The following MSH3 variants were observed in gnomAD, a reference collection of about 807,000 sequenced individuals.
MSH3 encodes the protein mutS homolog 3, also known as DNA mismatch repair protein Msh3.
In MSH3, 106 loss-of-function variants were observed where a neutral mutation model predicts 123.3. The ratio of observed to expected loss-of-function variants is 0.86; its 90% CI spans 0.73 to 1.01. The LOEUF (loss-of-function observed/expected upper bound fraction) is 1.01. Among genes scored for constraint, MSH3 ranks in the 50% least tolerant of loss-of-function variants. The pLI, the probability that MSH3 is intolerant of heterozygous loss-of-function variation, is 0.00. For missense variants in MSH3, 1,459 were observed against 1,347.6 expected (o/e 1.08, Z -1.29); for synonymous variants, 515 against 481.4 (o/e 1.07, Z -0.91).
chr5:80,707,643 G>C (rs890819379), intron 8 of MSH3, among the ~76,000 whole-genome samples: 6 of 152,178 alleles, frequency 3.9e-5, no homozygotes, highest in Non-Finnish European at 8.8e-5. Context: ...GAGGTGAAAG[G>C]ATGGCTTGAG....
At chr5:80,800,186 C>T (rs559058929) in intron 19 of MSH3, among the ~76,000 whole-genome samples, 3 of 152,248 alleles carry the variant, frequency 2.0e-5, no homozygotes, top group African/African-American at 7.2e-5. Flanking sequence ...GCAGTCCTCT[C>T]TAGTTGTTAT....
intron 19 of MSH3, among the ~76,000 whole-genome samples, chr5:80,808,483 C>T (rs1744937417): frequency 6.6e-6 from 1 of 152,104 alleles, no homozygotes; most frequent in East Asian, 1.9e-4. Flanking sequence ...GTCTAAGGGT[C>T]ATTTTGTTCT....
At chr5:80,712,286 A>G (rs1212376353) in intron 8 of MSH3, among the ~76,000 whole-genome samples, 1 of 152,078 alleles carries the variant, frequency 6.6e-6, no homozygotes, top group African/African-American at 2.4e-5. Flanking sequence ...ATGCCATTTT[A>G]TTTTTTAATA....
chr5:80,680,991 G>A (rs974688612), intron 8 of MSH3, among the ~76,000 whole-genome samples: 7 of 152,040 alleles, frequency 4.6e-5, no homozygotes, highest in African/African-American at 1.4e-4. Context: ...TCCTGAAAAT[G>A]GAATTAACTG....
intron 20 of MSH3, among the ~76,000 whole-genome samples, chr5:80,814,831 A>G (rs1745073968): frequency 6.6e-6 from 1 of 152,254 alleles, no homozygotes. Flanking sequence ...CTTACCCTCA[A>G]TGTGTAAACC....
At position 80,654,720 on chromosome 5, in the gene MSH3, G is replaced by T. The variant is rs746491510; in HGVS notation, c.-8G>T. The T allele has an allele frequency of 4.7e-5, 75 of 1,593,122 alleles. 1 individual carries two copies. The highest frequency in any genetic ancestry group is 3.3e-4 in the Middle Eastern group (2 of 5,998). ...GCCCTGCCGCCGGGCTGCCATCCTT[G>T]CCCTGCCATGTCTCGCCGGAAGCCT... On this transcript the variant is annotated 5_prime_UTR_variant, in exon 1 of 24. Coordinates refer to ENST00000265081, the MANE Select transcript of MSH3 (RefSeq NM_002439.5).
At chr5:80,823,496 C>A (rs1325784983) in intron 20 of MSH3, among the ~76,000 whole-genome samples, 1 of 152,140 alleles carries the variant, frequency 6.6e-6, no homozygotes, top group African/African-American at 2.4e-5. Flanking sequence ...CTATAAGTAA[C>A]CCTAGTTCTT....
chr5:80,748,090 A>G (rs1199339704), intron 12 of MSH3, among the ~76,000 whole-genome samples: 1 of 152,178 alleles, frequency 6.6e-6, no homozygotes, highest in Non-Finnish European at 1.5e-5. Context: ...CTACAGTGAG[A>G]TCGTAGAACA....
At position 80,665,268 on chromosome 5, in the gene MSH3, G is replaced by A. The variant is rs765418313; in HGVS notation, c.484G>A (p.Val162Ile). ...AGAATCTCTGCAGGAGAGATTTGCA[G>A]TTCTGCCAAAATGTACTGATTTTGA... ...QTESLQERFA[V>I]LPKCTDFDDI... The change falls in exon 3 of 24, where the codon GTT becomes ATT. Residue 162 changes from valine (V) to isoleucine (I), a missense_variant. Coordinates refer to ENST00000265081, the MANE Select transcript of MSH3 (RefSeq NM_002439.5). 6.2e-7 allele frequency: 1 copy of A among 1,613,958 alleles called. No homozygotes were observed. Among genetic ancestry groups the A allele is most frequent in the Non-Finnish European group, 8.5e-7 (1 of 1,179,946 alleles).
chr5:80,831,977 CG>C (rs34921686), intron 20 of MSH3, among the ~76,000 whole-genome samples: 21,490 of 151,792 alleles, frequency 0.14, 1,563 homozygotes, highest in East Asian at 0.24. Flanking sequence ...GGTGTGGTGG[CG>C]GGGCGCCTAT....
chr5:80,812,717 A>G lies in MSH3; in HGVS notation c.2656-867A>G, dbSNP rs1745030375. Among the ~76,000 whole-genome samples, 3 of 151,570 alleles carry G rather than the reference A, an allele frequency of 2.0e-5. No homozygotes were observed. In the South Asian group the frequency reaches 6.3e-4, roughly 32 times the overall value. On this transcript the variant is annotated intron_variant, in intron 19 of 23. Coordinates refer to ENST00000265081, the MANE Select transcript of MSH3 (RefSeq NM_002439.5). ...ATGTCTCAGCCTCCCGAGAACTGGC[A>G]TCATCACACCCAGCTAATTTTTGTA...
intron 17 of MSH3, among the ~76,000 whole-genome samples, chr5:80,781,281 A>G (rs1350896747): frequency 6.6e-6 from 1 of 152,106 alleles, no homozygotes; most frequent in Non-Finnish European, 1.5e-5. Context: ...TCAAGGACTC[A>G]CATTCTAGAA....
intron 17 of MSH3, among the ~76,000 whole-genome samples, chr5:80,780,887 A>G (rs1744398862): frequency 7.0e-6 from 1 of 142,370 alleles, no homozygotes; most frequent in Admixed American, 6.9e-5. Flanking sequence ...TAAAACCTTA[A>G]ACAGTAAAAA....
chr5:80,790,052 G>A (rs1049356672), intron 18 of MSH3, among the ~76,000 whole-genome samples: 2 of 152,088 alleles, frequency 1.3e-5, no homozygotes, highest in African/African-American at 4.8e-5. Flanking sequence ...AAAGTAGATT[G>A]GTATATCTAC....
chr5:80,783,932 T>C (rs2112014837), intron 17 of MSH3, among the ~76,000 whole-genome samples: 1 of 152,192 alleles, frequency 6.6e-6, no homozygotes, highest in South Asian at 2.1e-4. Flanking sequence ...GAGCCATGGC[T>C]GACGCAGTGG....
chr5:80,748,863 G>A (rs775708480), intron 12 of MSH3, among the ~76,000 whole-genome samples: 2 of 151,906 alleles, frequency 1.3e-5, no homozygotes, highest in Non-Finnish European at 2.9e-5. Context: ...GGTTATGTGG[G>A]ATGAGTCTCT....
chr5:80,797,433 A>C (rs144456659), intron 19 of MSH3, among the ~76,000 whole-genome samples: 181 of 152,236 alleles, frequency 1.2e-3, no homozygotes, highest in African/African-American at 4.0e-3. Context: ...TCTCACTTGA[A>C]ATTTTTGCCT....
intron 8 of MSH3, among the ~76,000 whole-genome samples, chr5:80,709,718 G>C (rs1273948906): frequency 6.6e-6 from 1 of 152,048 alleles, no homozygotes; most frequent in Non-Finnish European, 1.5e-5. Flanking sequence ...CTTTACCTTT[G>C]GTTTTCTCAT....
At position 80,665,210 on chromosome 5, in the gene MSH3, C is replaced by T. The variant is rs748835474; in HGVS notation, c.426C>T (p.Cys142=). Residue 142 remains cysteine (C), a synonymous_variant, in exon 3 of 24, where the codon TGC becomes TGT. Coordinates refer to ENST00000265081, the MANE Select transcript of MSH3 (RefSeq NM_002439.5). Reference sequence around the variant, plus strand: ...TGGAAAAATTGAAAGAATTCTGCTGCGATTCTGCCCTTCCTCAAAGTAGAG... The same window carrying T: ...TGGAAAAATTGAAAGAATTCTGCTGTGATTCTGCCCTTCCTCAAAGTAGAG... The part of the protein sequence containing the change: ...KSLEKLKEFC[C]DSALPQSRVQ... 12 of 1,614,058 alleles carry T rather than the reference C, an allele frequency of 7.4e-6. No individual in the cohort carries two copies. The highest frequency in any genetic ancestry group is 1.7e-4 in the Middle Eastern group (1 of 6,048).
Sources: gnomAD v4.1 joint callset for allele counts (sites outside exome capture counted in the v4.1 genomes callset) on GRCh38, gnomAD v4.1.1 for gene constraint, MANE v1.5 for transcripts, NCBI Gene and HGNC (gene_info 2026-07-23, HGNC 2026-07-21) for gene names.